The following PLCB1 variants were observed in gnomAD, a reference collection of about 807,000 sequenced individuals.
PLCB1 encodes the protein 1-phosphatidylinositol 4,5-bisphosphate phosphodiesterase beta-1.
Under a neutral mutation model 161.8 loss-of-function variants are expected in PLCB1, and 46 were observed. That is an observed-to-expected ratio of 0.28 (90% confidence interval 0.22 to 0.36). PLCB1 has a LOEUF of 0.36. Ranked by LOEUF, PLCB1 falls within the 10% of genes least tolerant of loss-of-function variation. The pLI, the probability that PLCB1 is intolerant of heterozygous loss-of-function variation, is 1.00. For synonymous variants in PLCB1, 517 were observed against 503.7 expected (o/e 1.03, Z -0.35); for missense variants, 1,016 against 1,472.5 (o/e 0.69, Z 5.07).
At chr20:8,640,092 A>G (rs1361596397) in intron 4 of PLCB1, among the ~76,000 whole-genome samples, 1 of 152,228 alleles carries the variant, frequency 6.6e-6, no homozygotes, top group South Asian at 2.1e-4. Flanking sequence ...AAGGTTTAAA[A>G]TAAAGTTGGA....
chr20:8,236,147 A>G (rs1980307555), intron 2 of PLCB1, among the ~76,000 whole-genome samples: 1 of 152,196 alleles, frequency 6.6e-6, no homozygotes, highest in Non-Finnish European at 1.5e-5. Flanking sequence ...AATTTCAAAT[A>G]TAGTGTAAGA....
chr20:8,447,931 C>A (rs1395343773), intron 3 of PLCB1, among the ~76,000 whole-genome samples: 1 of 152,172 alleles, frequency 6.6e-6, no homozygotes, highest in Non-Finnish European at 1.5e-5. Flanking sequence ...ATGGCTGCCA[C>A]CTTTGTTTGC....
chr20:8,178,774 G>T (rs770401289), intron 2 of PLCB1, among the ~76,000 whole-genome samples: 1 of 152,124 alleles, frequency 6.6e-6, no homozygotes, highest in Non-Finnish European at 1.5e-5. Context: ...TCGGTTTTAC[G>T]TTTAAGTCTT....
chr20:8,229,261 A>G (rs1338176621), intron 2 of PLCB1, among the ~76,000 whole-genome samples: 1 of 152,128 alleles, frequency 6.6e-6, no homozygotes, highest in Admixed American at 6.6e-5. Flanking sequence ...CAGGCATGCA[A>G]AATATTAAAA....
At chr20:8,733,201 A>T in intron 18 of PLCB1, 37 bp from the exon 19 acceptor site, 1 of 1,606,594 alleles carries the variant, frequency 6.2e-7, no homozygotes, top group Non-Finnish European at 8.5e-7. Context: ...CCAAGTATAG[A>T]TAAACTCACA....
At chr20:8,390,199 G>A (rs1427474809) in intron 3 of PLCB1, among the ~76,000 whole-genome samples, 3 of 152,110 alleles carry the variant, frequency 2.0e-5, no homozygotes, top group Non-Finnish European at 4.4e-5. Flanking sequence ...TTCTGGGAGC[G>A]GGAAGTCTGA....
At chr20:8,828,496 CA>C (rs1379715721) in intron 31 of PLCB1, among the ~76,000 whole-genome samples, 12 of 152,204 alleles carry the variant, frequency 7.9e-5, no homozygotes, top group African/African-American at 2.9e-4. Flanking sequence ...AAGCTGCTCT[CA>C]TTACAACCAT....
At position 8,506,568 on chromosome 20, in the gene PLCB1, T is replaced by G. The variant is rs1469127365; in HGVS notation, c.247-121726T>G. Among the ~76,000 whole-genome samples, 4 of 152,196 alleles carry G rather than the reference T, an allele frequency of 2.6e-5. No individual in the cohort carries two copies. The East Asian group carries it at 7.7e-4, about 29-fold the overall frequency. ...TTTAATGAAGCTACAATTGTAGATA[T>G]GTTAAAAAAGACACCAAGTTCATTG... is the stretch of plus-strand genomic sequence containing the variant. On this transcript the variant is annotated intron_variant, in intron 3 of 31. Transcript: ENST00000338037.
intron 1 of PLCB1, among the ~76,000 whole-genome samples, chr20:8,141,622 GAAA>G (rs10599705): frequency 0.044 from 4,107 of 92,528 alleles, 185 homozygotes; most frequent in African/African-American, 0.14. Flanking sequence ...GCGATACTCC[GAAA>G]AAAAAAAAAA....
At chr20:8,283,156 T>C (rs1049475463) in intron 2 of PLCB1, among the ~76,000 whole-genome samples, 3 of 152,178 alleles carry the variant, frequency 2.0e-5, no homozygotes, top group East Asian at 1.9e-4. Flanking sequence ...ACACATATTA[T>C]CTCCATTTAA....
chr20:8,134,868 TA>T (rs869044169), intron 1 of PLCB1, among the ~76,000 whole-genome samples: 422 of 139,598 alleles, frequency 3.0e-3, no homozygotes, highest in African/African-American at 4.2e-3. Context: ...AGGTCTTTTT[TA>T]AAAAAAAAAA....
chr20:8,682,820 T>C (rs1395872202), intron 9 of PLCB1, among the ~76,000 whole-genome samples: 1 of 152,146 alleles, frequency 6.6e-6, no homozygotes, highest in South Asian at 2.1e-4. Flanking sequence ...GAAAGAAAAT[T>C]GGTTATGTGT....
chr20:8,748,166 G>GA (rs1339105957), intron 23 of PLCB1, among the ~76,000 whole-genome samples: 5 of 152,118 alleles, frequency 3.3e-5, no homozygotes, highest in Non-Finnish European at 7.4e-5. Flanking sequence ...ACAGTAAAAA[G>GA]AAAAGGTTTT....
intron 11 of PLCB1, among the ~76,000 whole-genome samples, chr20:8,702,625 G>T (rs1340908655): frequency 8.5e-5 from 13 of 152,140 alleles, no homozygotes; most frequent in African/African-American, 2.9e-4. Context: ...AGGCCAGTTT[G>T]TCTCACTGGA....
chr20:8,586,335 C>A (rs115540353), intron 3 of PLCB1, among the ~76,000 whole-genome samples: 5,070 of 148,472 alleles, frequency 0.034, 102 homozygotes, highest in Non-Finnish European at 0.042. Context: ...TCTTCTTTTT[C>A]TTTTTTATTT....
chr20:8,345,548 C>T (rs1985973114), intron 2 of PLCB1, among the ~76,000 whole-genome samples: 1 of 152,162 alleles, frequency 6.6e-6, no homozygotes, highest in Non-Finnish European at 1.5e-5. Context: ...CACTGTCCTC[C>T]AGCAGTCACA....
intron 3 of PLCB1, among the ~76,000 whole-genome samples, chr20:8,484,733 A>G (rs962078299): frequency 3.9e-5 from 6 of 152,104 alleles, no homozygotes; most frequent in African/African-American, 1.2e-4. Flanking sequence ...AACTATCCTT[A>G]TAGTCCCCTT....
intron 2 of PLCB1, among the ~76,000 whole-genome samples, chr20:8,192,838 G>C (rs932719367): frequency 2.0e-5 from 3 of 151,840 alleles, no homozygotes; most frequent in African/African-American, 7.3e-5. Context: ...AATATGGAGG[G>C]GGGCTAATGT....
At chr20:8,802,490 T>C in intron 31 of PLCB1, 1 of 301,438 alleles carries the variant, frequency 3.3e-6, no homozygotes, top group Non-Finnish European at 6.0e-6. Flanking sequence ...ATTTTCTCTC[T>C]TGCACTCAGA....
Sources: allele counts gnomAD v4.1 joint callset (sites outside exome capture counted in the v4.1 genomes callset), GRCh38; gene constraint gnomAD v4.1.1; transcripts MANE v1.5; gene names NCBI Gene and HGNC (gene_info 2026-07-23, HGNC 2026-07-21).